Variants in PTX4 observed in about 807,000 individuals in gnomAD.
PTX4 encodes pentraxin 4.
Under a neutral mutation model 19.1 loss-of-function variants are expected in PTX4, and 23 were observed. The observed-to-expected ratio is 1.20, with a 90% CI of 0.87 to 1.70. The LOEUF is 1.70. Among genes scored for constraint, PTX4 ranks in the 40% most tolerant of loss-of-function variants. PTX4 has a pLI of 0.00. For missense variants in PTX4, 678 were observed against 610.5 expected (o/e 1.11, Z -1.17); for synonymous variants, 317 against 279.6 (o/e 1.13, Z -1.33).
chr16:1,487,063 C>T (rs933510457), intron 2 of PTX4, among the ~76,000 whole-genome samples: 7 of 152,196 alleles, frequency 4.6e-5, no homozygotes, highest in Admixed American at 4.6e-4. Flanking sequence ...CACCCTTCGG[C>T]GTGGGGCCTC....
chr16:1,488,086 G>T, intron 1 of PTX4, 116 bp from the exon 2 acceptor site: 3 of 1,151,874 alleles, frequency 2.6e-6, no homozygotes, highest in Non-Finnish European at 2.5e-6. Flanking sequence ...GCCACGGCCA[G>T]CACTGGCTAT....
At position 1,487,351 on chromosome 16, in the gene PTX4, C is replaced by G; in HGVS notation, c.761G>C (p.Arg254Pro). The change falls in exon 2 of 3, where the codon CGG becomes CCG. Residue 254 changes from arginine (R) to proline (P), a missense_variant. Arg to Pro is a moderately radical substitution (Grantham distance 103, BLOSUM62 -2). Coordinates refer to ENST00000447419, the MANE Select transcript of PTX4 (RefSeq NM_001328608.2). ...CACCTGGGGGGACCATGCCTGCTGC[C>G]GAGGGTCTTTTGGGGCAGTCCCACT... The part of the protein sequence containing the change: ...VLSGTAPKDP[R>P]QQAWSPQVPG... 2 of 1,556,178 alleles carry G rather than the reference C, an allele frequency of 1.3e-6. No homozygotes were observed. Among genetic ancestry groups the G allele is most frequent in the South Asian group, 1.2e-5 (1 of 81,668 alleles).
chr16:1,487,228 C>G, intron 2 of PTX4, 88 bp downstream of exon 2: 1 of 1,311,980 alleles, frequency 7.6e-7, no homozygotes, highest in Non-Finnish European at 1.0e-6. Context: ...CTAACTGAAC[C>G]TCTTTTGAGA....
At position 1,488,931 on chromosome 16, in the gene PTX4, A is replaced by G; in HGVS notation, c.-22T>C. 1.5e-6 allele frequency: 1 copy of G among 685,514 alleles called. No homozygotes were observed. Among genetic ancestry groups the G allele is most frequent in the Non-Finnish European group, 2.7e-6 (1 of 372,710 alleles). The allele number at this position is 685,514 out of a possible 1,614,324, so 42.5% of individuals were successfully genotyped here. The stretch of plus-strand genomic sequence containing the variant: ...CCATCCGGAGAGACGGCAAGGCCCC[A>G]GCAGTCTCCCTCCAGCCGCAGGAGA... On this transcript the variant is annotated 5_prime_UTR_variant, in exon 1 of 3. Transcript: ENST00000447419.
intron 1 of PTX4, 69 bp from the exon 2 acceptor site, chr16:1,488,039 T>C: frequency 1.4e-6 from 2 of 1,465,174 alleles, no homozygotes; most frequent in Non-Finnish European, 1.8e-6. Context: ...GGAAAGGCTT[T>C]GCCCTCTCAA....
chr16:1,487,450 C>G lies in PTX4; in HGVS notation c.662G>C (p.Gly221Ala), dbSNP rs28473314. Residue 221 changes from glycine (G) to alanine (A), a missense_variant, in exon 2 of 3, where the codon GGC (glycine) becomes GCC (alanine). Physicochemically the swap from Gly to Ala is moderately conservative, Grantham distance 60. Coordinates refer to ENST00000447419, the MANE Select transcript of PTX4 (RefSeq NM_001328608.2). ...AGGGGCCGAGGAGTCCTGTGGGGGG[C>G]CCCTGTGCTCAGAGGCAGCTCGGAG... is the stretch of plus-strand genomic sequence containing the variant. ...QELRAASEHRGPPQDSSAPLQ... is the reference protein window; with the variant it reads ...QELRAASEHRAPPQDSSAPLQ... 157,681 of 1,510,666 alleles carry G rather than the reference C, an allele frequency of 0.1. 11,695 individuals are homozygous for G. The highest frequency in any genetic ancestry group is 0.47 in the East Asian group (20,100 of 42,424). The allele number at this position is 1,510,666 out of a possible 1,614,324, so 93.6% of individuals were successfully genotyped here. A position where few individuals can be genotyped will look rare whatever the true frequency, so the allele number is the denominator to read the frequency against.
chr16:1,488,753 C>G lies in PTX4; in HGVS notation c.141+16G>C. On this transcript the variant is annotated intron_variant, in intron 1 of 2. Coordinates refer to ENST00000447419, the MANE Select transcript of PTX4 (RefSeq NM_001328608.2). ...ATTTAAAAACCCGACTGCGCCATGT[C>G]AGGGGTATAACTTGCCTGTTCCTCC... 1 of 682,564 alleles carries G rather than the reference C, an allele frequency of 1.5e-6. No homozygotes were observed. The highest frequency in any genetic ancestry group is 2.7e-6 in the Non-Finnish European group (1 of 374,184). The allele number at this position is 682,564 out of a possible 1,614,324, so 42.3% of individuals were successfully genotyped here.
intron 2 of PTX4, among the ~76,000 whole-genome samples, chr16:1,486,780 G>A (rs1417162863): frequency 6.6e-6 from 1 of 152,214 alleles, no homozygotes; most frequent in East Asian, 1.9e-4. Context: ...CCACAGGCGG[G>A]AAGACTGAAC....
At chr16:1,488,657 G>A (rs1383287291) in intron 1 of PTX4, 112 bp downstream of exon 1, 7 of 630,820 alleles carry the variant, frequency 1.1e-5, no homozygotes, top group South Asian at 5.6e-5. Context: ...CGTCACACGC[G>A]GTGTTCGTGT....
At chr16:1,486,665 C>T in intron 2 of PTX4, 86 bp from the exon 3 acceptor site, 2 of 1,388,908 alleles carry the variant, frequency 1.4e-6, no homozygotes, top group Non-Finnish European at 1.9e-6. Context: ...TGCCTGGCCT[C>T]CCACTCCCGG....
Position 1,486,331 on chromosome 16 carries a change from C to T in PTX4, c.1045G>A (p.Glu349Lys), listed in dbSNP as rs567813083. ...HFVIGDPAFR[E>K]LPLQLLLDGQ... ...TCCAGCAGCAGCTGCAAGGGCAGCT[C>T]CCTGAAGGCCGGGTCCCCGATCACG... Residue 349 changes from glutamate to lysine, a missense_variant, in exon 3 of 3, where the codon GAG becomes AAG. By Grantham distance (56) the Glu-to-Lys change is moderately conservative. Coordinates refer to ENST00000447419, the MANE Select transcript of PTX4 (RefSeq NM_001328608.2). 4 of 1,613,802 alleles carry T rather than the reference C, an allele frequency of 2.5e-6. No individual in the cohort carries two copies. Among genetic ancestry groups the T allele is most frequent in the African/African-American group, 1.3e-5 (1 of 75,068 alleles).
chr16:1,486,705 C>T (rs957283659), intron 2 of PTX4, 126 bp from the exon 3 acceptor site: 51 of 1,006,668 alleles, frequency 5.1e-5, no homozygotes, highest in Non-Finnish European at 6.2e-5. Context: ...ACTGACTCTG[C>T]GCTGGCCCTG....
At position 1,487,617 on chromosome 16, in the gene PTX4, G is replaced by A. The variant is rs771523039; in HGVS notation, c.495C>T (p.Gly165=). 60 of 1,572,742 alleles carry A rather than the reference G, an allele frequency of 3.8e-5. No individual in the cohort carries two copies. The highest frequency in any genetic ancestry group is 1.4e-4 in the Admixed American group (8 of 56,522). ...ARLEGLVHSQ[G]ARLAALEGRL... is the part of the protein sequence containing the mutation. ...GCCCCTCCAGAGCAGCCAGCCTGGC[G>A]CCCTGGCTGTGGACGAGGCCCTCCA... is the stretch of plus-strand genomic sequence containing the variant. The change falls in exon 2 of 3, where the codon GGC becomes GGT. Residue 165 remains glycine (G), a synonymous_variant. Transcript: ENST00000447419.
chr16:1,488,123 G>A (rs1320110777), intron 1 of PTX4, among the ~76,000 whole-genome samples, 153 bp from the exon 2 acceptor site: 1 of 152,226 alleles, frequency 6.6e-6, no homozygotes, highest in Non-Finnish European at 1.5e-5. Flanking sequence ...TCCCCACTGC[G>A]ATGCCGTGAG....
intron 1 of PTX4, 189 bp downstream of exon 1, chr16:1,488,580 T>A: frequency 1.1e-6 from 1 of 927,556 alleles, no homozygotes; most frequent in Non-Finnish European, 1.7e-6. Context: ...CCTGTGTGAG[T>A]GGAGCCCAGC....
intron 1 of PTX4, 174 bp downstream of exon 1, chr16:1,488,595 C>A: frequency 1.2e-6 from 1 of 801,854 alleles, no homozygotes. Context: ...CCCAGCTCAG[C>A]TCTTCCCTGG....
At chr16:1,488,204 C>T (rs2039267647) in intron 1 of PTX4, 3 of 1,330,872 alleles carry the variant, frequency 2.3e-6, no homozygotes, top group Middle Eastern at 2.7e-4. Flanking sequence ...TCCAGGCCCA[C>T]AGCTGGGGCT....
chr16:1,488,473 T>C (rs916843966), intron 1 of PTX4: 2 of 1,611,108 alleles, frequency 1.2e-6, no homozygotes, highest in Non-Finnish European at 1.7e-6. Context: ...CCCATGACAC[T>C]ACCCGGCCCC....
Position 1,486,566 on chromosome 16 carries a change from G to T in PTX4, c.810C>A (p.Gly270=). The T allele has an allele frequency of 6.5e-7, 1 of 1,547,234 alleles. No individual in the cohort carries two copies. Among genetic ancestry groups the T allele is most frequent in the African/African-American group, 1.4e-5 (1 of 72,724 alleles). Residue 270 remains glycine (G), a synonymous_variant, in exon 3 of 3, where the codon GGC becomes GGA. Transcript: ENST00000447419. ...AGGCGTTTGGGAAAACGAGGGTGGG[G>T]CCCACGCCGCAAACTAGAAACAGAG... ...PQVPGEICGV[G]PTLVFPNAST... is the part of the protein sequence containing the mutation.
Sources: allele counts gnomAD v4.1 joint callset (sites outside exome capture counted in the v4.1 genomes callset), GRCh38; gene constraint gnomAD v4.1.1; transcripts MANE v1.5; gene names NCBI Gene and HGNC (gene_info 2026-07-23, HGNC 2026-07-21).